The following SEMA3E variants were observed in gnomAD, a reference collection of about 807,000 sequenced individuals.
The protein encoded by SEMA3E is semaphorin-3E.
In SEMA3E, 49 loss-of-function variants were observed where a neutral mutation model predicts 93.6. The observed-to-expected ratio is 0.52, with a 90% CI of 0.42 to 0.66. The LOEUF (loss-of-function observed/expected upper bound fraction) is 0.66. SEMA3E is among the 30% of genes least tolerant of loss of function. The pLI, the probability that SEMA3E is intolerant of heterozygous loss-of-function variation, is 0.00. For missense variants in SEMA3E, 906 were observed against 964.8 expected, an observed-to-expected ratio of 0.94 and a Z score of 0.81; for synonymous variants, 363 against 330.7, an observed-to-expected ratio of 1.10 and a Z score of -1.06.
intron 1 of SEMA3E, among the ~76,000 whole-genome samples, chr7:83,645,702 C>A (rs1794069627): frequency 7.0e-6 from 1 of 142,364 alleles, no homozygotes; most frequent in South Asian, 2.3e-4. Flanking sequence ...CTCTTACTAC[C>A]CTTGTACCTT....
chr7:83,640,397 G>A (rs1793981744), intron 1 of SEMA3E, among the ~76,000 whole-genome samples: 2 of 152,080 alleles, frequency 1.3e-5, no homozygotes, highest in South Asian at 4.1e-4. Flanking sequence ...AGAATACTTG[G>A]CTGGCAGGCT....
Position 83,372,034 on chromosome 7 carries a change from T to C in SEMA3E, c.1876-3996A>G, listed in dbSNP as rs149120486. On this transcript the variant is annotated intron_variant, in intron 16 of 16. Coordinates refer to ENST00000643230, the MANE Select transcript of SEMA3E (RefSeq NM_012431.3). ...TAAAGGGCAAAGACCTATTTCTTTATTCTTCTGAATTATCCTATAATGAGT... is the reference window on the plus strand; with the variant it reads ...TAAAGGGCAAAGACCTATTTCTTTACTCTTCTGAATTATCCTATAATGAGT... The C allele has an allele frequency of 1.9e-5, 7 of 372,676 alleles. No homozygotes were observed. The Admixed American group carries it at 3.2e-4, about 17-fold the overall frequency. The allele number at this position is 372,676 out of a possible 1,614,324, so 23.1% of individuals were successfully genotyped here. A position where few individuals can be genotyped will look rare whatever the true frequency, so the allele number is the denominator to read the frequency against.
chr7:83,457,401 C>T (rs1440646634), intron 4 of SEMA3E, among the ~76,000 whole-genome samples: 1 of 152,162 alleles, frequency 6.6e-6, no homozygotes, highest in Non-Finnish European at 1.5e-5. Context: ...CTGTTAGATT[C>T]TTACAAAAAC....
At chr7:83,602,044 C>T (rs940883101) in intron 1 of SEMA3E, among the ~76,000 whole-genome samples, 4 of 152,144 alleles carry the variant, frequency 2.6e-5, no homozygotes, top group African/African-American at 9.7e-5. Context: ...ACTCTCATTA[C>T]TACTAGTACT....
At chr7:83,532,627 T>C (rs1304933158) in intron 1 of SEMA3E, among the ~76,000 whole-genome samples, 1 of 152,142 alleles carries the variant, frequency 6.6e-6, no homozygotes, top group Non-Finnish European at 1.5e-5. Flanking sequence ...AAGTTTCTTC[T>C]CTGTGCTTAC....
At chr7:83,596,988 A>G (rs1792889255) in intron 1 of SEMA3E, among the ~76,000 whole-genome samples, 1 of 152,174 alleles carries the variant, frequency 6.6e-6, no homozygotes, top group South Asian at 2.1e-4. Context: ...TTTAACACTC[A>G]AATCTATGAC....
At chr7:83,433,628 A>T (rs1310642321) in intron 4 of SEMA3E, among the ~76,000 whole-genome samples, 1 of 152,138 alleles carries the variant, frequency 6.6e-6, no homozygotes, top group Non-Finnish European at 1.5e-5. Context: ...TACTTGTTGA[A>T]ATATTAGTAC....
chr7:83,436,023 G>A (rs1198957027), intron 4 of SEMA3E, among the ~76,000 whole-genome samples: 2 of 152,044 alleles, frequency 1.3e-5, no homozygotes, highest in Non-Finnish European at 2.9e-5. Context: ...ATTTCATGAT[G>A]TGTTTATATC....
In SEMA3E at chr7:83,364,849, T is replaced by C. The variant is rs1017874422; in HGVS notation, c.*2737A>G. ...TCTCCTTCTACAAGAAAGAGAAAAA[T>C]GGGGAAAATTTGGTGAGATGAAGGG... On this transcript the variant is annotated 3_prime_UTR_variant, in exon 17 of 17. Coordinates refer to ENST00000643230, the MANE Select transcript of SEMA3E (RefSeq NM_012431.3). The C allele has an allele frequency of 6.6e-6, 1 of 152,078 alleles. No individual in the cohort carries two copies. The highest frequency in any genetic ancestry group is 2.4e-5 in the African/African-American group (1 of 41,416). The allele number at this position is 152,078 out of a possible 1,614,324, so 9.4% of individuals were successfully genotyped here. A position where few individuals can be genotyped will look rare whatever the true frequency, so the allele number is the denominator to read the frequency against.
chr7:83,421,976 G>A (rs1257018315), intron 4 of SEMA3E, among the ~76,000 whole-genome samples: 2 of 152,116 alleles, frequency 1.3e-5, no homozygotes, highest in African/African-American at 4.8e-5. Context: ...TTGGGAGTTC[G>A]AGACCAGCCT....
In SEMA3E at chr7:83,466,553, G is replaced by A. The variant is rs764781338; in HGVS notation, c.385C>T (p.His129Tyr). ...GCTCCAGTACCACAGGTCAGAAGGT[G>A]TGTCCTGTTATAGTGATGCAAAACC... ...VRVLHHYNRTHLLTCGTGAFD... is the reference protein window; with the variant it reads ...VRVLHHYNRTYLLTCGTGAFD... The change falls in exon 4 of 17, where the codon CAC becomes TAC. Residue 129 changes from histidine to tyrosine, a missense_variant. Coordinates refer to ENST00000643230, the MANE Select transcript of SEMA3E (RefSeq NM_012431.3). 6.2e-7 allele frequency: 1 copy of A among 1,613,902 alleles called. No homozygotes were observed. The highest frequency in any genetic ancestry group is 1.1e-5 in the South Asian group (1 of 91,078).
At chr7:83,632,624 A>G (rs1793809175) in intron 1 of SEMA3E, among the ~76,000 whole-genome samples, 1 of 152,308 alleles carries the variant, frequency 6.6e-6, no homozygotes, top group East Asian at 1.9e-4. Context: ...CTGTAAGTAC[A>G]TTATAAACCT....
chr7:83,587,348 G>A (rs1408035552), intron 1 of SEMA3E, among the ~76,000 whole-genome samples: 1 of 152,108 alleles, frequency 6.6e-6, no homozygotes, highest in Non-Finnish European at 1.5e-5. Context: ...AAAATTATTA[G>A]ATTATAACAA....
At chr7:83,530,216 TA>T (rs1791259430) in intron 1 of SEMA3E, among the ~76,000 whole-genome samples, 1 of 152,118 alleles carries the variant, frequency 6.6e-6, no homozygotes. Flanking sequence ...TTCATTACAA[TA>T]ACCCTGTGAG....
chr7:83,387,835 T>TAA (rs937090541), intron 14 of SEMA3E, among the ~76,000 whole-genome samples: 6 of 142,400 alleles, frequency 4.2e-5, no homozygotes, highest in African/African-American at 1.3e-4. Context: ...TATATATATA[T>TAA]AACGTTATAT....
intron 16 of SEMA3E, among the ~76,000 whole-genome samples, chr7:83,370,324 C>A (rs746362653): frequency 4.6e-5 from 7 of 152,096 alleles, no homozygotes; most frequent in Non-Finnish European, 7.4e-5. Flanking sequence ...TACTAACTTT[C>A]CTATTTCTGG....
intron 1 of SEMA3E, among the ~76,000 whole-genome samples, chr7:83,549,863 G>A (rs144899047): frequency 4.6e-5 from 7 of 151,986 alleles, no homozygotes; most frequent in African/African-American, 1.4e-4. Flanking sequence ...ATTTATGGCC[G>A]TAACAGTTTC....
intron 1 of SEMA3E, among the ~76,000 whole-genome samples, chr7:83,507,464 G>GTGTGTGTGTGTGTGTA (rs1790727196): frequency 6.7e-6 from 1 of 149,906 alleles, no homozygotes; most frequent in African/African-American, 2.5e-5. Flanking sequence ...GTGTGTGTGT[G>GTGTGTGTGTGTGTGTA]TGTGTGTGTG....
At chr7:83,438,539 G>T (rs1161499975) in intron 4 of SEMA3E, among the ~76,000 whole-genome samples, 3 of 151,946 alleles carry the variant, frequency 2.0e-5, no homozygotes, top group Admixed American at 6.6e-5. Flanking sequence ...CACTATTATA[G>T]ATATTTTAGG....
Sources: allele counts gnomAD v4.1 joint callset (sites outside exome capture counted in the v4.1 genomes callset), GRCh38; gene constraint gnomAD v4.1.1; transcripts MANE v1.5; gene names NCBI Gene and HGNC (gene_info 2026-07-23, HGNC 2026-07-21).